The following SLC39A11 variants were observed in gnomAD, a reference collection of about 807,000 sequenced individuals.
The protein encoded by SLC39A11 is zinc transporter ZIP11.
In SLC39A11, 33 loss-of-function variants were observed where a neutral mutation model predicts 36.1. The observed-to-expected ratio is 0.91, with a 90% CI of 0.69 to 1.22. The LOEUF (loss-of-function observed/expected upper bound fraction) is 1.22. SLC39A11 is among the 50% of genes most tolerant of loss of function. SLC39A11 has a pLI of 0.00. For missense variants in SLC39A11, 432 were observed against 430.3 expected, an observed-to-expected ratio of 1.00 and a Z score of -0.03; for synonymous variants, 166 against 170.3, an observed-to-expected ratio of 0.97 and a Z score of 0.20.
intron 6 of SLC39A11, among the ~76,000 whole-genome samples, chr17:72,739,899 A>G (rs1223421670): frequency 6.6e-6 from 1 of 152,190 alleles, no homozygotes. Flanking sequence ...AAATGTTACT[A>G]ATAGTCTAAT....
chr17:72,908,926 G>A (rs1171974411), intron 5 of SLC39A11, among the ~76,000 whole-genome samples: 3 of 152,154 alleles, frequency 2.0e-5, no homozygotes, highest in East Asian at 1.9e-4. Flanking sequence ...CAAGGCACGG[G>A]AGCCAAGCCT....
At position 72,900,221 on chromosome 17, in the gene SLC39A11, GAAA is replaced by G. The variant is rs879684533; in HGVS notation, c.430+47528_430+47530del. On this transcript the variant is annotated intron_variant, in intron 5 of 9. Transcript: ENST00000255559. ...AGAAAGAAAGAAAGAAAGAAAGAAA[GAAA>G]GAAAGAAAAAGACAGCAAGGCAAGG... is the stretch of plus-strand genomic sequence containing the variant. 1.4e-3 allele frequency among the ~76,000 whole-genome samples: 200 copies of G among 141,288 alleles called. 9 individuals are homozygous for G. The highest frequency in any genetic ancestry group is 2.7e-3 in the Non-Finnish European group (170 of 63,042). The allele number at this position is 141,288 out of a possible 152,430, so 92.7% of individuals were successfully genotyped here.
chr17:72,742,865 T>C (rs899374279), intron 6 of SLC39A11, among the ~76,000 whole-genome samples: 3 of 152,192 alleles, frequency 2.0e-5, no homozygotes, highest in Non-Finnish European at 4.4e-5. Flanking sequence ...AGGGCTCAAG[T>C]CATCATTAGG....
chr17:73,046,444 G>A (rs971595444), intron 3 of SLC39A11, among the ~76,000 whole-genome samples: 2 of 152,080 alleles, frequency 1.3e-5, no homozygotes, highest in African/African-American at 4.8e-5. Flanking sequence ...AGAACTGGAT[G>A]TCCTACGAAA....
intron 5 of SLC39A11, among the ~76,000 whole-genome samples, chr17:72,852,573 G>A (rs925960049): frequency 8.5e-5 from 13 of 152,206 alleles, no homozygotes; most frequent in Middle Eastern, 3.4e-3. Flanking sequence ...ATGCATGTAC[G>A]TGTGTGTGTG....
chr17:72,760,402 A>C (rs2075533040), intron 6 of SLC39A11, among the ~76,000 whole-genome samples: 1 of 152,244 alleles, frequency 6.6e-6, no homozygotes, highest in African/African-American at 2.4e-5. Context: ...GTAGAGAGCC[A>C]GTATGATCCA....
At chr17:72,994,395 A>G (rs922156384) in intron 4 of SLC39A11, among the ~76,000 whole-genome samples, 2 of 152,176 alleles carry the variant, frequency 1.3e-5, no homozygotes, top group African/African-American at 4.8e-5. Context: ...ATGTACATAT[A>G]AGGGTTGAAA....
At chr17:72,674,076 AT>A (rs1279861221) in intron 7 of SLC39A11, among the ~76,000 whole-genome samples, 1 of 152,170 alleles carries the variant, frequency 6.6e-6, no homozygotes, top group African/African-American at 2.4e-5. Context: ...TTTAAAAAAA[AT>A]AAATAAATAA....
chr17:72,979,446 T>C (rs2091731693), intron 4 of SLC39A11, among the ~76,000 whole-genome samples: 1 of 152,026 alleles, frequency 6.6e-6, no homozygotes, highest in Non-Finnish European at 1.5e-5. Flanking sequence ...ATCTGATCCA[T>C]GGAAATACTG....
At chr17:72,904,742 G>GAAA in intron 5 of SLC39A11, among the ~76,000 whole-genome samples, 1 of 152,192 alleles carries the variant, frequency 6.6e-6, no homozygotes, top group East Asian at 1.9e-4. Context: ...TCATAGGCAT[G>GAAA]AAAAGCCTTG....
intron 4 of SLC39A11, among the ~76,000 whole-genome samples, chr17:72,971,336 ACT>A (rs369016332): frequency 1.8e-3 from 253 of 142,750 alleles, no homozygotes; most frequent in African/African-American, 2.5e-3. Context: ...ACACACACAC[ACT>A]CTCTCTCTCT....
chr17:73,007,608 T>C (rs961281986), intron 4 of SLC39A11, among the ~76,000 whole-genome samples: 14 of 151,952 alleles, frequency 9.2e-5, no homozygotes, highest in Non-Finnish European at 1.9e-4. Context: ...TGACGTGTGC[T>C]GAGAACCAGC....
chr17:72,655,223 C>T (rs1359644713), intron 7 of SLC39A11, among the ~76,000 whole-genome samples: 1 of 152,250 alleles, frequency 6.6e-6, no homozygotes, highest in African/African-American at 2.4e-5. Context: ...CTCCACACAC[C>T]CGTGCACACG....
At chr17:72,743,290 T>C (rs2074791146) in intron 6 of SLC39A11, among the ~76,000 whole-genome samples, 2 of 152,158 alleles carry the variant, frequency 1.3e-5, no homozygotes, top group Non-Finnish European at 2.9e-5. Flanking sequence ...TTCCCCCAGC[T>C]ACAACATGGC....
chr17:72,851,042 A>T (rs963098532), intron 5 of SLC39A11, among the ~76,000 whole-genome samples: 1 of 151,956 alleles, frequency 6.6e-6, no homozygotes, highest in Admixed American at 6.6e-5. Flanking sequence ...CTGGACAGAC[A>T]ATCAGAAGGA....
intron 7 of SLC39A11, among the ~76,000 whole-genome samples, chr17:72,683,040 GTCAC>G (rs1429379825): frequency 1.3e-5 from 2 of 152,198 alleles, no homozygotes; most frequent in Admixed American, 1.3e-4. Flanking sequence ...AAGAGGAACT[GTCAC>G]TCACAGCACC....
chr17:72,867,924 C>A (rs1295909238), intron 5 of SLC39A11, among the ~76,000 whole-genome samples: 1 of 152,224 alleles, frequency 6.6e-6, no homozygotes, highest in Non-Finnish European at 1.5e-5. Flanking sequence ...ACCCAACTCA[C>A]TGTAAATGGT....
intron 6 of SLC39A11, among the ~76,000 whole-genome samples, chr17:72,777,869 ATATG>A (rs71154917): frequency 0.099 from 14,776 of 149,986 alleles, 882 homozygotes; most frequent in African/African-American, 0.16. Flanking sequence ...ATGTATGTAT[ATATG>A]TATGTATGTA....
At chr17:72,729,768 T>A (rs1030592349) in intron 7 of SLC39A11, among the ~76,000 whole-genome samples, 2 of 151,868 alleles carry the variant, frequency 1.3e-5, no homozygotes, top group African/African-American at 4.8e-5. Flanking sequence ...ATGCTCCTGA[T>A]GAAATGTAGA....
Sources: allele counts gnomAD v4.1 joint callset (sites outside exome capture counted in the v4.1 genomes callset), GRCh38; gene constraint gnomAD v4.1.1; transcripts MANE v1.5; gene names NCBI Gene and HGNC (gene_info 2026-07-23, HGNC 2026-07-21).